LRRC7: variants seen among roughly 807,000 people sequenced by gnomAD.
The protein encoded by LRRC7 is leucine-rich repeat-containing protein 7.
In LRRC7, 23 loss-of-function variants were observed where a neutral mutation model predicts 175.7. That is an observed-to-expected ratio of 0.13 (90% CI 0.09 to 0.19). LRRC7 has a LOEUF of 0.19. LRRC7 is among the 10% of genes least tolerant of loss of function. LRRC7 has a pLI of 1.00. For missense variants in LRRC7, 1,354 were observed against 1,904.7 expected (o/e 0.71, Z 5.38); for synonymous variants, 685 against 680.9 (o/e 1.01, Z -0.09).
intron 1 of LRRC7, among the ~76,000 whole-genome samples, chr1:69,659,526 AAAG>A (rs908597541): frequency 2.0e-5 from 3 of 151,910 alleles, no homozygotes; most frequent in African/African-American, 4.8e-5. Flanking sequence ...AAAAAAAAAA[AAAG>A]ATTACCTTTC....
chr1:69,603,355 T>C (rs527669654), intron 1 of LRRC7, among the ~76,000 whole-genome samples: 17 of 152,346 alleles, frequency 1.1e-4, no homozygotes, highest in African/African-American at 3.8e-4. Context: ...TACGTTATCC[T>C]GGTGACATTT....
At position 70,021,048 on chromosome 1, in the gene LRRC7, A is replaced by G. The variant is rs1265637560; in HGVS notation, c.1464A>G (p.Glu488=). 2.5e-6 allele frequency: 4 copies of G among 1,612,890 alleles called. No homozygotes were observed. Among genetic ancestry groups the G allele is most frequent in the Admixed American group, 1.7e-5 (1 of 59,976 alleles). ...ACAGCTTTAACCCTACACTGTGGGA[A>G]GAGCAGAGACAACAACGCATGACTG... ...DSDSFNPTLW[E]EQRQQRMTVA... The change falls in exon 16 of 27, where the codon GAA becomes GAG. Residue 488 remains glutamate (E), a synonymous_variant. Coordinates refer to ENST00000651989, the MANE Select transcript of LRRC7 (RefSeq NM_001370785.2).
At chr1:69,728,288 T>C (rs1169621469) in intron 2 of LRRC7, among the ~76,000 whole-genome samples, 1 of 152,162 alleles carries the variant, frequency 6.6e-6, no homozygotes, top group East Asian at 1.9e-4. Flanking sequence ...TAGATCTAAC[T>C]AGAAACTGTT....
intron 1 of LRRC7, among the ~76,000 whole-genome samples, chr1:69,582,022 A>G (rs1646221332): frequency 6.6e-6 from 1 of 152,094 alleles, no homozygotes; most frequent in African/African-American, 2.4e-5. Flanking sequence ...GGTTACACCC[A>G]TTTGCAATTT....
At chr1:70,015,857 G>C (rs1656920331) in intron 13 of LRRC7, among the ~76,000 whole-genome samples, 1 of 152,144 alleles carries the variant, frequency 6.6e-6, no homozygotes, top group African/African-American at 2.4e-5. Flanking sequence ...CCTTCCTTTA[G>C]TAGTAAAACA....
Position 70,037,987 on chromosome 1 carries a change from A to G in LRRC7, c.2289-126A>G, listed in dbSNP as rs183465070. 1.9e-5 allele frequency: 23 copies of G among 1,242,962 alleles called. No individual in the cohort carries two copies. In the Admixed American group the frequency reaches 4.3e-4, roughly 23 times the overall value. 77.0% of individuals were successfully genotyped at this position (1,242,962 alleles called of 1,614,324 possible). ...ATGAAATAATAATACTATCTTAATC[A>G]TAAGTCAGGTGAGGATTATTGATCA... On this transcript the variant is annotated intron_variant, in intron 20 of 26. Transcript: ENST00000651989.
At position 69,886,535 on chromosome 1, in the gene LRRC7, G is replaced by A. The variant is rs373725650; in HGVS notation, c.648-44972G>A. Among the ~76,000 whole-genome samples, 7 of 152,070 alleles carry A rather than the reference G, an allele frequency of 4.6e-5. No individual in the cohort carries two copies. In the East Asian group the frequency reaches 7.7e-4, roughly 17 times the overall value. On this transcript the variant is annotated intron_variant, in intron 7 of 26. Coordinates refer to ENST00000651989, the MANE Select transcript of LRRC7 (RefSeq NM_001370785.2). ...TCTCTGCACGTGAGATGGGTTTCCT[G>A]AATACAGCACACTGATGGGTCTTGA...
At chr1:69,962,231 G>A (rs1282776287) in intron 8 of LRRC7, among the ~76,000 whole-genome samples, 1 of 152,100 alleles carries the variant, frequency 6.6e-6, no homozygotes, top group Non-Finnish European at 1.5e-5. Context: ...TGAATAAAAA[G>A]CTCAACATCA....
chr1:69,871,084 T>A (rs1685484605), intron 7 of LRRC7, among the ~76,000 whole-genome samples: 1 of 152,102 alleles, frequency 6.6e-6, no homozygotes, highest in African/African-American at 2.4e-5. Flanking sequence ...CCACAAATGA[T>A]GCATAAATTG....
chr1:69,814,501 A>G lies in LRRC7; in HGVS notation c.422-11247A>G, dbSNP rs1216602235. On this transcript the variant is annotated intron_variant, in intron 4 of 26. Coordinates refer to ENST00000651989, the MANE Select transcript of LRRC7 (RefSeq NM_001370785.2). ...CTCAGTGTTTTACATTCATATCATC[A>G]AATACTCAGAATAACCCTCTGAATT... Among the ~76,000 whole-genome samples the G allele has an allele frequency of 2.0e-5, 3 of 152,176 alleles. No individual in the cohort carries two copies. In the East Asian group the frequency reaches 5.8e-4, roughly 29 times the overall value.
At chr1:69,627,468 A>G (rs1208355792) in intron 1 of LRRC7, among the ~76,000 whole-genome samples, 1 of 152,076 alleles carries the variant, frequency 6.6e-6, no homozygotes, top group African/African-American at 2.4e-5. Flanking sequence ...TAGATTCTTG[A>G]TATTAGCCCT....
chr1:69,709,636 G>A (rs370391476), intron 2 of LRRC7, among the ~76,000 whole-genome samples: 1 of 152,130 alleles, frequency 6.6e-6, no homozygotes, highest in Non-Finnish European at 1.5e-5. Flanking sequence ...AGAGAATAAA[G>A]ATACATGCCT....
chr1:69,912,618 G>A (rs989953171), intron 7 of LRRC7, among the ~76,000 whole-genome samples: 2 of 152,098 alleles, frequency 1.3e-5, no homozygotes, highest in African/African-American at 4.8e-5. Context: ...GAGCTCAAAA[G>A]TTCTATCAAG....
chr1:70,020,943 TTAAA>T (rs1380190979), intron 15 of LRRC7, 58 bp from the exon 16 acceptor site: 2 of 1,468,292 alleles, frequency 1.4e-6, no homozygotes, highest in Non-Finnish European at 1.8e-6. Flanking sequence ...GCATACTATA[TTAAA>T]TACTTTGTGT....
At chr1:70,076,841 A>G (rs1025873700) in intron 24 of LRRC7, among the ~76,000 whole-genome samples, 2 of 152,232 alleles carry the variant, frequency 1.3e-5, no homozygotes, top group African/African-American at 4.8e-5. Context: ...GATAACTGCC[A>G]TGTAGCAAAA....
chr1:69,588,710 A>G (rs1273154563), intron 1 of LRRC7, among the ~76,000 whole-genome samples: 13 of 152,196 alleles, frequency 8.5e-5, no homozygotes. Flanking sequence ...AATGAGATAA[A>G]TGAATGGAAA....
chr1:70,100,089 C>T (rs1234044294), intron 25 of LRRC7, among the ~76,000 whole-genome samples: 1 of 151,898 alleles, frequency 6.6e-6, no homozygotes, highest in Non-Finnish European at 1.5e-5. Context: ...AGACAGACAT[C>T]CCAGACATGT....
At chr1:69,694,543 G>A (rs1335243326) in intron 2 of LRRC7, among the ~76,000 whole-genome samples, 1 of 152,036 alleles carries the variant, frequency 6.6e-6, no homozygotes, top group Admixed American at 6.5e-5. Context: ...CTGGTGATAT[G>A]GTTTGGATAT....
intron 5 of LRRC7, among the ~76,000 whole-genome samples, chr1:69,826,904 A>G (rs190436244): frequency 5.1e-4 from 78 of 152,278 alleles, no homozygotes; most frequent in African/African-American, 1.8e-3. Flanking sequence ...AAGAGGCTCT[A>G]GACAAGGTGA....
Sources: allele counts gnomAD v4.1 joint callset (sites outside exome capture counted in the v4.1 genomes callset), GRCh38; gene constraint gnomAD v4.1.1; transcripts MANE v1.5; gene names NCBI Gene and HGNC (gene_info 2026-07-23, HGNC 2026-07-21).